The following BABAM2 variants were observed in gnomAD, a reference collection of about 807,000 sequenced individuals.
BABAM2 encodes the protein BRISC and BRCA1 A complex member 2.
BABAM2 carries 31 observed loss-of-function variants against 54.7 expected under a neutral mutation model. That is an observed-to-expected ratio of 0.57 (90% CI 0.43 to 0.77). The LOEUF (loss-of-function observed/expected upper bound fraction) is 0.77. BABAM2 is among the 30% of genes least tolerant of loss of function. BABAM2 has a pLI of 0.00. For missense variants in BABAM2, 364 were observed against 455.8 expected, an observed-to-expected ratio of 0.80 and a Z score of 1.83; for synonymous variants, 167 against 162.9, an observed-to-expected ratio of 1.03 and a Z score of -0.19.
intron 11 of BABAM2, among the ~76,000 whole-genome samples, chr2:28,336,270 G>C (rs1285937559): frequency 6.6e-6 from 1 of 152,208 alleles, no homozygotes; most frequent in Non-Finnish European, 1.5e-5. Flanking sequence ...TTCACCGTAG[G>C]GGTTTAGGGA....
chr2:28,292,863 G>T (rs1042545249), intron 10 of BABAM2, among the ~76,000 whole-genome samples: 2 of 152,218 alleles, frequency 1.3e-5, no homozygotes, highest in Admixed American at 6.5e-5. Context: ...TGAGAAGAAG[G>T]TTCTGCCCAT....
chr2:28,020,952 G>GACAC (rs57086132), intron 4 of BABAM2, among the ~76,000 whole-genome samples: 41,581 of 144,234 alleles, frequency 0.29, 6,016 homozygotes, highest in South Asian at 0.35. Context: ...CTGTCTCTCT[G>GACAC]ACACACACAC....
At chr2:27,993,081 T>C (rs1173313788) in intron 4 of BABAM2, among the ~76,000 whole-genome samples, 2 of 152,230 alleles carry the variant, frequency 1.3e-5, no homozygotes, top group Non-Finnish European at 2.9e-5. Context: ...GGTGTCTGTC[T>C]CTGCCAGGGT....
chr2:28,076,568 T>G (rs1664700955), intron 6 of BABAM2, among the ~76,000 whole-genome samples: 1 of 152,060 alleles, frequency 6.6e-6, no homozygotes, highest in African/African-American at 2.4e-5. Context: ...CGGTCTCCGC[T>G]CACTGCAAGC....
intron 6 of BABAM2, among the ~76,000 whole-genome samples, chr2:28,072,338 A>G (rs1448050681): frequency 6.6e-6 from 1 of 151,036 alleles, no homozygotes; most frequent in Non-Finnish European, 1.5e-5. Context: ...ACGCCCAGCT[A>G]ATTTTTGTAT....
At chr2:28,081,861 G>GATAT (rs1169823678) in intron 6 of BABAM2, among the ~76,000 whole-genome samples, 1 of 152,104 alleles carries the variant, frequency 6.6e-6, no homozygotes, top group Non-Finnish European at 1.5e-5. Flanking sequence ...AAGGCATGGG[G>GATAT]ATATGTTTTA....
chr2:28,239,542 T>C (rs763395798), intron 8 of BABAM2, among the ~76,000 whole-genome samples: 95 of 152,314 alleles, frequency 6.2e-4, no homozygotes, highest in Non-Finnish European at 1.1e-3. Context: ...AATGAGGAAA[T>C]ATAAAAAGGC....
At chr2:28,295,642 C>T (rs1319665865) in intron 10 of BABAM2, among the ~76,000 whole-genome samples, 1 of 152,012 alleles carries the variant, frequency 6.6e-6, no homozygotes, top group Non-Finnish European at 1.5e-5. Context: ...ATTACAGGTA[C>T]GCACCACTAT....
intron 6 of BABAM2, among the ~76,000 whole-genome samples, chr2:28,119,730 T>TA (rs922980729): frequency 4.0e-5 from 6 of 151,406 alleles, no homozygotes; most frequent in Non-Finnish European, 5.9e-5. Flanking sequence ...AAGATAGAAT[T>TA]AAAAAAAAAC....
At chr2:27,934,706 A>C (rs1262008761) in intron 3 of BABAM2, among the ~76,000 whole-genome samples, 2 of 152,256 alleles carry the variant, frequency 1.3e-5, no homozygotes, top group Admixed American at 1.3e-4. Flanking sequence ...TAAACACATG[A>C]ATTATAAGAC....
At chr2:28,052,609 TAAG>T (rs910803910) in intron 6 of BABAM2, among the ~76,000 whole-genome samples, 15 of 152,154 alleles carry the variant, frequency 9.9e-5, no homozygotes, top group African/African-American at 3.6e-4. Flanking sequence ...GAAGGTTTCT[TAAG>T]AAGTTGTTTT....
intron 3 of BABAM2, among the ~76,000 whole-genome samples, chr2:27,940,419 T>G (rs1346272288): frequency 6.6e-6 from 1 of 152,196 alleles, no homozygotes; most frequent in African/African-American, 2.4e-5. Context: ...TAGTTGAGTA[T>G]CTGGCATTTA....
At chr2:28,154,111 G>A (rs896390392) in intron 7 of BABAM2, among the ~76,000 whole-genome samples, 13 of 152,140 alleles carry the variant, frequency 8.5e-5, no homozygotes, top group Non-Finnish European at 1.0e-4. Context: ...TTCCTGGGTC[G>A]TAGATCACTA....
At chr2:28,091,699 TC>T (rs1327745593) in intron 6 of BABAM2, among the ~76,000 whole-genome samples, 3 of 152,232 alleles carry the variant, frequency 2.0e-5, no homozygotes, top group Non-Finnish European at 2.9e-5. Flanking sequence ...AATCCTTTCT[TC>T]CTTGTCTATG....
chr2:28,086,987 CAAA>C (rs748834420), intron 6 of BABAM2, among the ~76,000 whole-genome samples: 2 of 152,156 alleles, frequency 1.3e-5, no homozygotes, highest in Non-Finnish European at 1.5e-5. Flanking sequence ...TCCGGGAATG[CAAA>C]ATTAATTTTA....
intron 6 of BABAM2, among the ~76,000 whole-genome samples, chr2:28,108,973 T>C (rs935198998): frequency 1.3e-5 from 2 of 152,044 alleles, no homozygotes; most frequent in Non-Finnish European, 2.9e-5. Flanking sequence ...TTCGTAAATT[T>C]GTGAAATTTT....
At chr2:28,218,120 A>G (rs1680078903) in intron 7 of BABAM2, among the ~76,000 whole-genome samples, 1 of 152,128 alleles carries the variant, frequency 6.6e-6, no homozygotes, top group South Asian at 2.1e-4. Flanking sequence ...ATGTACTTAC[A>G]TTTTTGTATC....
At chr2:28,193,562 C>T (rs958843717) in intron 7 of BABAM2, among the ~76,000 whole-genome samples, 2 of 152,194 alleles carry the variant, frequency 1.3e-5, no homozygotes, top group African/African-American at 4.8e-5. Context: ...TGTAAAGTGG[C>T]ATGAAAATAC....
chr2:28,222,745 A>C (rs1011986799), intron 7 of BABAM2, among the ~76,000 whole-genome samples: 2 of 152,362 alleles, frequency 1.3e-5, no homozygotes, highest in East Asian at 1.9e-4. Context: ...CCTTGTCTAC[A>C]GTTCCCAGAA....
Sources: allele counts gnomAD v4.1 joint callset (sites outside exome capture counted in the v4.1 genomes callset), GRCh38; gene constraint gnomAD v4.1.1; transcripts MANE v1.5; gene names NCBI Gene and HGNC (gene_info 2026-07-23, HGNC 2026-07-21).